MGRN1: variants seen among roughly 807,000 people sequenced by gnomAD.
MGRN1 encodes the protein E3 ubiquitin-protein ligase MGRN1.
A neutral mutation model predicts 69.2 loss-of-function variants in MGRN1; 29 were observed. The ratio of observed to expected loss-of-function variants is 0.42; its 90% confidence interval spans 0.31 to 0.57. The LOEUF (loss-of-function observed/expected upper bound fraction) is 0.57, where lower values mean the gene tolerates loss of function less well. Ranked by LOEUF, MGRN1 falls within the 20% of genes least tolerant of loss-of-function variation. The pLI is 0.15. For synonymous variants in MGRN1, 470 were observed against 344.2 expected (o/e 1.37, Z -4.04); for missense variants, 998 against 796.2 (o/e 1.25, Z -3.05).
At chr16:4,656,748 C>A (rs544585289) in intron 4 of MGRN1, among the ~76,000 whole-genome samples, 2 of 151,974 alleles carry the variant, frequency 1.3e-5, no homozygotes, top group Admixed American at 6.6e-5. Flanking sequence ...AGCATGGTGG[C>A]GCACACCTGT....
intron 7 of MGRN1, among the ~76,000 whole-genome samples, chr16:4,665,765 G>C (rs977931734): frequency 6.6e-6 from 1 of 151,300 alleles, no homozygotes; most frequent in African/African-American, 2.4e-5. Flanking sequence ...TGCCTCCCAG[G>C]TTCAAGCGAT....
At position 4,677,485 on chromosome 16, in the gene MGRN1, C is replaced by G; in HGVS notation, c.978C>G (p.Ile326Met). Residue 326 changes from isoleucine (I) to methionine (M), a missense_variant, in exon 11 of 17, where the codon ATC becomes ATG. Physicochemically the swap from Ile to Met is conservative, Grantham distance 10. Transcript: ENST00000262370. Reference sequence around the variant, plus strand: ...CAGCTTTCCGGGCCCTCCTGCAGATCCGGGCGGTGCGGAAGAAGCCAGGAG... The same window carrying G: ...CAGCTTTCCGGGCCCTCCTGCAGATGCGGGCGGTGCGGAAGAAGCCAGGAG... ...CRLPFRALLQ[I>M]RAVRKKPGAL... 1 of 1,582,946 alleles carries G rather than the reference C, an allele frequency of 6.3e-7. No individual in the cohort carries two copies. The highest frequency in any genetic ancestry group is 8.5e-7 in the Non-Finnish European group (1 of 1,170,104).
chr16:4,682,071 G>A (rs1345068740), intron 13 of MGRN1, among the ~76,000 whole-genome samples: 4 of 152,254 alleles, frequency 2.6e-5, no homozygotes, highest in Non-Finnish European at 5.9e-5. Flanking sequence ...GGTCGGTGCT[G>A]TGTCTCTGCT....
intron 1 of MGRN1, among the ~76,000 whole-genome samples, chr16:4,627,784 C>T (rs778685748): frequency 2.2e-5 from 3 of 138,364 alleles, no homozygotes; most frequent in Non-Finnish European, 3.1e-5. Flanking sequence ...AGCGAGACTC[C>T]GTCTCAAAAA....
intron 12 of MGRN1, 90 bp downstream of exon 12, chr16:4,680,187 C>A (rs543388428): frequency 1.5e-6 from 2 of 1,293,354 alleles, no homozygotes; most frequent in East Asian, 2.5e-5. Flanking sequence ...CCGCCCCAGG[C>A]TAGTGTCTGA....
intron 11 of MGRN1, 65 bp downstream of exon 11, chr16:4,677,637 A>G (rs2079082023): frequency 6.8e-7 from 1 of 1,468,108 alleles, no homozygotes; most frequent in Non-Finnish European, 9.4e-7. Context: ...GCCAGGCGCA[A>G]GGCCCAGACG....
At chr16:4,681,885 C>T in intron 13 of MGRN1, 109 bp downstream of exon 13, 2 of 1,132,424 alleles carry the variant, frequency 1.8e-6, no homozygotes, top group South Asian at 1.6e-5. Context: ...TGTGGCGATT[C>T]CCCAGAAGGA....
At chr16:4,668,879 C>G (rs2078873734) in intron 8 of MGRN1, among the ~76,000 whole-genome samples, 1 of 152,122 alleles carries the variant, frequency 6.6e-6, no homozygotes, top group Non-Finnish European at 1.5e-5. Flanking sequence ...TACTCATACA[C>G]ATATACATAG....
chr16:4,673,962 A>G (rs2141954065), intron 10 of MGRN1, among the ~76,000 whole-genome samples: 1 of 152,328 alleles, frequency 6.6e-6, no homozygotes, highest in South Asian at 2.1e-4. Flanking sequence ...TTGATGAGTG[A>G]ATGAAATCTT....
In MGRN1 at chr16:4,682,883, C is replaced by T. The variant is rs373609477; in HGVS notation, c.1419C>T (p.Asp473=). The T allele has an allele frequency of 6.5e-5, 105 of 1,609,648 alleles. 1 individual carries two copies. The highest frequency in any genetic ancestry group is 5.0e-4 in the Middle Eastern group (3 of 6,034). ...HEEDEEKLSE[D]VDAPPPLGGA... ...AGGATGAGGAGAAGCTCTCCGAGGA[C>T]GTGGACGCCCCTCCCCCACTGGGTG... The change falls in exon 14 of 17, where the codon GAC becomes GAT. Residue 473 remains aspartate, a synonymous_variant. Coordinates refer to ENST00000262370, the MANE Select transcript of MGRN1 (RefSeq NM_015246.4).
intron 5 of MGRN1, 39 bp downstream of exon 5, chr16:4,657,402 C>T (rs375252234): frequency 3.8e-6 from 6 of 1,576,036 alleles, no homozygotes; most frequent in Non-Finnish European, 5.2e-6. Context: ...TTCGCTCCTC[C>T]TGAATTCTCT....
At chr16:4,678,174 G>GT (rs1281816155) in intron 11 of MGRN1, among the ~76,000 whole-genome samples, 1 of 152,196 alleles carries the variant, frequency 6.6e-6, no homozygotes. Flanking sequence ...GAGCCATGCT[G>GT]TTTCCCCCAT....
chr16:4,625,265 C>T (rs1460560830), intron 1 of MGRN1, among the ~76,000 whole-genome samples: 1 of 152,188 alleles, frequency 6.6e-6, no homozygotes, highest in Non-Finnish European at 1.5e-5. Flanking sequence ...TGCTACTGCC[C>T]GGCTTGGGTG....
chr16:4,681,223 T>C (rs1452546767), intron 12 of MGRN1: 2 of 365,888 alleles, frequency 5.5e-6, no homozygotes, highest in Non-Finnish European at 1.0e-5. Flanking sequence ...TGTCTGTCAC[T>C]AACCCTTCAC....
intron 1 of MGRN1, among the ~76,000 whole-genome samples, chr16:4,648,109 C>A (rs1379246412): frequency 6.6e-6 from 1 of 152,194 alleles, no homozygotes; most frequent in Non-Finnish European, 1.5e-5. Flanking sequence ...AATAGGGATT[C>A]TGGGGCCCCC....
At chr16:4,661,100 C>A (rs935210699) in intron 5 of MGRN1, among the ~76,000 whole-genome samples, 1 of 151,952 alleles carries the variant, frequency 6.6e-6, no homozygotes, top group African/African-American at 2.4e-5. Flanking sequence ...CTCACCTCAA[C>A]TTTCACAGTA....
intron 1 of MGRN1, among the ~76,000 whole-genome samples, chr16:4,647,197 C>T (rs1245339146): frequency 1.3e-5 from 2 of 152,206 alleles, no homozygotes; most frequent in African/African-American, 4.8e-5. Context: ...GAACATGGTG[C>T]ACATCTTGGA....
intron 11 of MGRN1, among the ~76,000 whole-genome samples, chr16:4,679,173 C>T (rs1429318414): frequency 1.3e-5 from 2 of 152,202 alleles, no homozygotes; most frequent in South Asian, 2.1e-4. Context: ...AGAGAAGCAG[C>T]CCCTGAGGGA....
chr16:4,663,966 A>C (rs1433751455), intron 5 of MGRN1: 1 of 152,358 alleles, frequency 6.6e-6, no homozygotes, highest in East Asian at 1.9e-4. Context: ...GCTGGGGCCA[A>C]GTCCGGTGCC....
Sources: allele counts gnomAD v4.1 joint callset (sites outside exome capture counted in the v4.1 genomes callset), GRCh38; gene constraint gnomAD v4.1.1; transcripts MANE v1.5; gene names NCBI Gene and HGNC (gene_info 2026-07-23, HGNC 2026-07-21).